The following ANKRD13B variants were observed in gnomAD, a reference collection of about 807,000 sequenced individuals.
ANKRD13B encodes the protein ankyrin repeat domain 13B, also known as ankyrin repeat domain-containing protein 13B.
In ANKRD13B, 33 loss-of-function variants were observed where a neutral mutation model predicts 74.4. That is an observed-to-expected ratio of 0.44 (90% CI 0.34 to 0.59). ANKRD13B has a LOEUF of 0.59. Ranked by LOEUF, ANKRD13B falls within the 20% of genes least tolerant of loss-of-function variation. The pLI is 0.02. For missense variants in ANKRD13B, 676 were observed against 877.9 expected (o/e 0.77, Z 2.91); for synonymous variants, 341 against 362.9 (o/e 0.94, Z 0.68).
chr17:29,606,779 C>T lies in ANKRD13B; in HGVS notation c.115-963C>T, dbSNP rs942184645. Among the ~76,000 whole-genome samples the T allele has an allele frequency of 2.4e-4, 36 of 146,990 alleles. No individual in the cohort carries two copies. In the East Asian group the frequency reaches 4.1e-3, roughly 17 times the overall value. ...AAAAAAATCTTTTGTCTGGGCACTG[C>T]GGCTCACACCTGTAATCCCAGCACT... On this transcript the variant is annotated intron_variant, in intron 1 of 14. Transcript: ENST00000394859.
At position 29,609,488 on chromosome 17, in the gene ANKRD13B, T is replaced by A; in HGVS notation, c.822+67T>A. On this transcript the variant is annotated intron_variant, in intron 7 of 14. Coordinates refer to ENST00000394859, the MANE Select transcript of ANKRD13B (RefSeq NM_152345.5). This position sits in a 1 kb window ranked among gnomAD's most constrained non-coding sequence, Gnocchi z 4.0. The stretch of plus-strand genomic sequence containing the variant: ...GCCTACAGCAAGCTGTACAGGGGAT[T>A]CTGACCTCCCTTCCCCAGCCCTGGA... The A allele has an allele frequency of 6.4e-7, 1 of 1,573,376 alleles. No individual in the cohort carries two copies. The highest frequency in any genetic ancestry group is 1.1e-5 in the South Asian group (1 of 88,352).
In ANKRD13B at chr17:29,593,165, C is replaced by G. The variant is rs1262832645; in HGVS notation, c.-457C>G. On this transcript the variant is annotated 5_prime_UTR_variant, in exon 1 of 15. Transcript: ENST00000394859. ...CCATCATCCCCACATCCCCGTATCC[C>G]GCGCCGGCCGCTCGGGCTGAGGGCC... 6.6e-6 allele frequency among the ~76,000 whole-genome samples: 1 copy of G among 151,866 alleles called. No homozygotes were observed. Among genetic ancestry groups the G allele is most frequent in the African/African-American group, 2.4e-5 (1 of 41,412 alleles).
At chr17:29,599,873 T>G (rs952251253) in intron 1 of ANKRD13B, among the ~76,000 whole-genome samples, 1 of 115,988 alleles carries the variant, frequency 8.6e-6, no homozygotes, top group Non-Finnish European at 1.7e-5. Context: ...TTGTTTTTTT[T>G]TTTTTTTTTT....
Position 29,611,988 on chromosome 17 carries a change from T to TC in ANKRD13B, c.1082_1083insC (p.Thr362AspfsTer15). On this transcript the variant is annotated frameshift_variant, in exon 10 of 15. Transcript: ENST00000394859. LOFTEE classifies it high-confidence loss of function. The surrounding 1 kb of genome is among the most constrained non-coding windows in gnomAD (Gnocchi z 4.3). Reference sequence around the variant, plus strand: ...CGTGATATGGGCCGCCCCATGGAACTGACCACCAAGACACAGAAGTGAGGC... The same window carrying TC: ...CGTGATATGGGCCGCCCCATGGAACTCGACCACCAAGACACAGAAGTGAGGC... 2 of 1,612,798 alleles carry TC rather than the reference T, an allele frequency of 1.2e-6. No homozygotes were observed. The highest frequency in any genetic ancestry group is 1.7e-6 in the Non-Finnish European group (2 of 1,179,396).
In ANKRD13B at chr17:29,613,526, C is replaced by A. The variant is rs745819151; in HGVS notation, c.1825C>A (p.Arg609Ser). Residue 609 changes from arginine to serine, a missense_variant, in exon 15 of 15, where the codon CGC becomes AGC. Arg to Ser is a moderately radical substitution (Grantham distance 110, BLOSUM62 -1). Coordinates refer to ENST00000394859, the MANE Select transcript of ANKRD13B (RefSeq NM_152345.5). ...GCAGGAGGAGAGGCGGCGGCGCGCGCGCCAGGAGGAGGAGGAGCTGGAGCG... is the reference window on the plus strand; with the variant it reads ...GCAGGAGGAGAGGCGGCGGCGCGCGAGCCAGGAGGAGGAGGAGCTGGAGCG... ...QEQEERRRRA[R>S]QEEEELERIL... is the part of the protein sequence containing the mutation. 1 of 1,524,552 alleles carries A rather than the reference C, an allele frequency of 6.6e-7. No homozygotes were observed. Among genetic ancestry groups the A allele is most frequent in the South Asian group, 1.2e-5 (1 of 81,442 alleles). The allele number at this position is 1,524,552 out of a possible 1,614,324, so 94.4% of individuals were successfully genotyped here.
chr17:29,613,104 G>A (rs1331904798), intron 14 of ANKRD13B, 141 bp downstream of exon 14: 13 of 1,250,216 alleles, frequency 1.0e-5, no homozygotes, highest in East Asian at 7.6e-5. Flanking sequence ...TCCTGCCTCC[G>A]AGGCGGCAGG....
In ANKRD13B at chr17:29,593,576, C is replaced by G; in HGVS notation, c.-46C>G. Reference sequence around the variant, plus strand: ...CCCGGGCCCCGGCTCCGGCGCCGTCCCTCCTCCCCGGCCGGGCGCCGCGGC... The same window carrying G: ...CCCGGGCCCCGGCTCCGGCGCCGTCGCTCCTCCCCGGCCGGGCGCCGCGGC... On this transcript the variant is annotated 5_prime_UTR_variant, in exon 1 of 15. Coordinates refer to ENST00000394859, the MANE Select transcript of ANKRD13B (RefSeq NM_152345.5). The G allele has an allele frequency of 9.7e-7, 1 of 1,035,796 alleles. No individual in the cohort carries two copies. Among genetic ancestry groups the G allele is most frequent in the Non-Finnish European group, 1.2e-6 (1 of 834,634 alleles). The allele number at this position is 1,035,796 out of a possible 1,614,324, so 64.2% of individuals were successfully genotyped here. A position where few individuals can be genotyped will look rare whatever the true frequency, so the allele number is the denominator to read the frequency against.
rs1405596614 is a variant in ANKRD13B at position 29,613,504 on chromosome 17, G to C, written c.1803G>C (p.Gln601His). The C allele has an allele frequency of 8.5e-6, 13 of 1,531,302 alleles. No homozygotes were observed. The highest frequency in any genetic ancestry group is 1.1e-5 in the Non-Finnish European group (13 of 1,140,820). 94.9% of individuals were successfully genotyped at this position (1,531,302 alleles called of 1,614,324 possible). A position where few individuals can be genotyped will look rare whatever the true frequency, so the allele number is the denominator to read the frequency against. Residue 601 changes from glutamine to histidine, a missense_variant, in exon 15 of 15, where the codon CAG (glutamine) becomes CAC (histidine). By Grantham distance (24) the Gln-to-His change is conservative. Transcript: ENST00000394859. ...CGATGGAACTGTCGGCGCAGGAGCA[G>C]GAGGAGAGGCGGCGGCGCGCGCGCC... is the stretch of plus-strand genomic sequence containing the variant. ...RLAMELSAQEQEERRRRARQE... is the reference protein window; with the variant it reads ...RLAMELSAQEHEERRRRARQE...
Position 29,609,496 on chromosome 17 carries a change from C to T in ANKRD13B, c.822+75C>T. On this transcript the variant is annotated intron_variant, in intron 7 of 14. Coordinates refer to ENST00000394859, the MANE Select transcript of ANKRD13B (RefSeq NM_152345.5). The surrounding 1 kb of genome is among the most constrained non-coding windows in gnomAD (Gnocchi z 4.0). Reference sequence around the variant, plus strand: ...CAAGCTGTACAGGGGATTCTGACCTCCCTTCCCCAGCCCTGGAGGTACAGA... The same window carrying T: ...CAAGCTGTACAGGGGATTCTGACCTTCCTTCCCCAGCCCTGGAGGTACAGA... 6.5e-7 allele frequency: 1 copy of T among 1,546,628 alleles called. No homozygotes were observed. The highest frequency in any genetic ancestry group is 8.8e-7 in the Non-Finnish European group (1 of 1,130,008).
In ANKRD13B at chr17:29,611,917, C is replaced by T; in HGVS notation, c.1011C>T (p.Ala337=). The change falls in exon 10 of 15, where the codon GCC becomes GCT. Residue 337 remains alanine (A), a synonymous_variant. Coordinates refer to ENST00000394859, the MANE Select transcript of ANKRD13B (RefSeq NM_152345.5). This position sits in a 1 kb window ranked among gnomAD's most constrained non-coding sequence, Gnocchi z 4.3. ...CTCTGAGCCAAGCCAACCCCACTGC[C>T]ATCACTGCAGAAGAATACTTCAACC... ...TQTLSQANPT[A]ITAEEYFNPN... is the part of the protein sequence containing the mutation. 6.2e-7 allele frequency: 1 copy of T among 1,614,052 alleles called. No homozygotes were observed. The highest frequency in any genetic ancestry group is 8.5e-7 in the Non-Finnish European group (1 of 1,179,956).
chr17:29,610,622 T>C, intron 7 of ANKRD13B, 63 bp from the exon 8 acceptor site: 1 of 1,522,054 alleles, frequency 6.6e-7, no homozygotes, highest in African/African-American at 1.4e-5. Flanking sequence ...CCCAGTGCCC[T>C]TAGGGGTAAG....
At chr17:29,606,148 T>A (rs1190444031) in intron 1 of ANKRD13B, among the ~76,000 whole-genome samples, 1 of 150,602 alleles carries the variant, frequency 6.6e-6, no homozygotes, top group Non-Finnish European at 1.5e-5. Context: ...CAACCTCAGG[T>A]GATCTACCCG....
At position 29,607,856 on chromosome 17, in the gene ANKRD13B, G is replaced by A; in HGVS notation, c.229G>A (p.Glu77Lys). 1 of 1,602,196 alleles carries A rather than the reference G, an allele frequency of 6.2e-7. No individual in the cohort carries two copies. ...GGCGCACGGCGCAGACGTGGGCAGG[G>A]AGAATCGCAGCGGCTGGACAGGTGG... ...LLAHGADVGRENRSGWTVLQE... is the reference protein window; with the variant it reads ...LLAHGADVGRKNRSGWTVLQE... Residue 77 changes from glutamate to lysine, a missense_variant, in exon 2 of 15, where the codon GAG (glutamate) becomes AAG (lysine). By Grantham distance (56) the Glu-to-Lys change is moderately conservative (BLOSUM62 1). This residue lies in a region of ANKRD13B where 328 missense variants were observed against 518.4 expected (regional missense o/e 0.63). Transcript: ENST00000394859.
chr17:29,611,613 C>T lies in ANKRD13B; in HGVS notation c.939C>T (p.Ile313=), dbSNP rs769178879. 2.0e-5 allele frequency: 33 copies of T among 1,614,198 alleles called. No homozygotes were observed. Among genetic ancestry groups the T allele is most frequent in the South Asian group, 1.5e-4 (14 of 91,084 alleles). ...CKTPLQSFLG[I]AEQHGGPQNG... is the part of the protein sequence containing the mutation. The stretch of plus-strand genomic sequence containing the variant: ...CACCTTTGCAGTCCTTCCTGGGAAT[C>T]GCTGAGCAGCACGGGGGCCCCCAAA... The change falls in exon 9 of 15, where the codon ATC becomes ATT. Residue 313 remains isoleucine (I), a synonymous_variant. Coordinates refer to ENST00000394859, the MANE Select transcript of ANKRD13B (RefSeq NM_152345.5). The surrounding 1 kb of genome is among the most constrained non-coding windows in gnomAD (Gnocchi z 4.3).
Position 29,608,677 on chromosome 17 carries a change from CTGTG to C in ANKRD13B, c.422-171_422-168del, listed in dbSNP as rs1264261506. ...CCCGTCCCGACCTCAGGTTGCTCTTCTGTGTGAGTATGGTCTACACTGGCCAGGG... is the reference window on the plus strand; with the variant it reads ...CCCGTCCCGACCTCAGGTTGCTCTTCTGAGTATGGTCTACACTGGCCAGGG... On this transcript the variant is annotated intron_variant, in intron 4 of 14. Transcript: ENST00000394859. The surrounding 1 kb of genome is among the most constrained non-coding windows in gnomAD (Gnocchi z 6.4). 1 of 903,404 alleles carries C rather than the reference CTGTG, an allele frequency of 1.1e-6. No individual in the cohort carries two copies. The highest frequency in any genetic ancestry group is 1.6e-6 in the Non-Finnish European group (1 of 612,674). The allele number at this position is 903,404 out of a possible 1,614,324, so 56.0% of individuals were successfully genotyped here.
chr17:29,614,129 T>G lies in ANKRD13B; in HGVS notation c.*547T>G. The G allele has an allele frequency of 6.6e-6, 1 of 151,968 alleles. No homozygotes were observed. The highest frequency in any genetic ancestry group is 1.5e-5 in the Non-Finnish European group (1 of 67,988). 9.4% of individuals were successfully genotyped at this position (151,968 alleles called of 1,614,324 possible). Reference sequence around the variant, plus strand: ...CCGGCATTTCAGCGTCAAGTGCACTTAGCGGGGTACCCGGCTCCCCCAGCC... The same window carrying G: ...CCGGCATTTCAGCGTCAAGTGCACTGAGCGGGGTACCCGGCTCCCCCAGCC... On this transcript the variant is annotated 3_prime_UTR_variant, in exon 15 of 15. Coordinates refer to ENST00000394859, the MANE Select transcript of ANKRD13B (RefSeq NM_152345.5).
chr17:29,603,646 T>C (rs534531653), intron 1 of ANKRD13B, among the ~76,000 whole-genome samples: 1 of 152,328 alleles, frequency 6.6e-6, no homozygotes, highest in Non-Finnish European at 1.5e-5. Flanking sequence ...GTGCAGTGTC[T>C]AATCTGCTGT....
chr17:29,612,727 G>T lies in ANKRD13B; in HGVS notation c.1487G>T (p.Arg496Leu). The change falls in exon 13 of 15, where the codon CGG becomes CTG. Residue 496 changes from arginine to leucine, a missense_variant. Arg to Leu is a moderately radical substitution (Grantham distance 102). This residue lies in a region of ANKRD13B where 152 missense variants were observed against 181.4 expected (regional missense o/e 0.84). Transcript: ENST00000394859. The surrounding 1 kb of genome is among the most constrained non-coding windows in gnomAD (Gnocchi z 6.1). ...PRGYSMMGGQ[R>L]EAATRDDDDD... ...GGCTACAGCATGATGGGCGGCCAGC[G>T]GGAGGCGGCGACCCGGGACGACGAC... The T allele has an allele frequency of 6.2e-7, 1 of 1,600,858 alleles. No homozygotes were observed. Among genetic ancestry groups the T allele is most frequent in the East Asian group, 2.2e-5 (1 of 44,764 alleles).
Position 29,610,714 on chromosome 17 carries a change from C to T in ANKRD13B, c.852C>T (p.Ile284=). The T allele has an allele frequency of 6.2e-7, 1 of 1,614,036 alleles. No homozygotes were observed. The highest frequency in any genetic ancestry group is 8.5e-7 in the Non-Finnish European group (1 of 1,179,938). Residue 284 remains isoleucine, a synonymous_variant, in exon 8 of 15, where the codon ATC becomes ATT. Coordinates refer to ENST00000394859, the MANE Select transcript of ANKRD13B (RefSeq NM_152345.5). ...KVYGASNVEL[I]TRTRTEHLSE... ...ATGGGGCATCTAACGTGGAGCTCAT[C>T]ACCCGCACACGGACAGAACATCTTT... is the stretch of plus-strand genomic sequence containing the variant.
Sources: gnomAD v4.1 joint callset for allele counts (sites outside exome capture counted in the v4.1 genomes callset) on GRCh38, gnomAD v4.1.1 for gene constraint, gnomAD v4.1.1 regional missense constraint, Gnocchi (gnomAD v3.1) non-coding constraint, MANE v1.5 for transcripts, NCBI Gene and HGNC (gene_info 2026-07-23, HGNC 2026-07-21) for gene names.